Variants in FGGY observed in about 807,000 individuals in gnomAD.
FGGY encodes FGGY carbohydrate kinase domain containing.
FGGY carries 72 observed loss-of-function variants against 71.3 expected under a neutral mutation model. That is an observed-to-expected ratio of 1.01 (90% CI 0.84 to 1.23). FGGY has a LOEUF of 1.23. Among genes scored for constraint, FGGY ranks in the 50% most tolerant of loss-of-function variants. The pLI is 0.00. For synonymous variants in FGGY, 251 were observed against 250.3 expected (o/e 1.00, Z -0.02); for missense variants, 668 against 682.3 (o/e 0.98, Z 0.23).
chr1:59,335,013 TATATC>T (rs2049204503), intron 2 of FGGY, among the ~76,000 whole-genome samples: 1 of 152,212 alleles, frequency 6.6e-6, no homozygotes, highest in Non-Finnish European at 1.5e-5. Flanking sequence ...ACCTTACTAA[TATATC>T]ATGGATGTCT....
intron 7 of FGGY, among the ~76,000 whole-genome samples, chr1:59,520,036 C>T (rs2153645069): frequency 6.6e-6 from 1 of 152,324 alleles, no homozygotes; most frequent in East Asian, 1.9e-4. Context: ...TGCTGCCAAA[C>T]ACCTTACAAT....
rs1431337402 is a variant in FGGY at position 59,383,089 on chromosome 1, T to TTCTTTG, written c.554+4252_554+4253insTCTTTG. 3.9e-4 allele frequency among the ~76,000 whole-genome samples: 59 copies of TTCTTTG among 152,336 alleles called. No individual in the cohort carries two copies. The East Asian group carries it at 9.3e-3, about 24-fold the overall frequency. On this transcript the variant is annotated intron_variant, in intron 5 of 15. Transcript: ENST00000303721. ...TTCTTTGATTGTCACTCTTTTTGTC[T>TTCTTTG]ATAGCATGGAGATTGTTATACCTAT...
intron 6 of FGGY, among the ~76,000 whole-genome samples, chr1:59,464,431 C>T (rs1049819834): frequency 1.3e-5 from 2 of 152,170 alleles, no homozygotes; most frequent in African/African-American, 4.8e-5. Context: ...CCAAAATTGA[C>T]ACCCTAACAT....
At chr1:59,360,355 T>C (rs2055245324) in intron 4 of FGGY, among the ~76,000 whole-genome samples, 1 of 152,102 alleles carries the variant, frequency 6.6e-6, no homozygotes. Context: ...GTGGCTTGGC[T>C]TTGGCTGGGA....
chr1:59,641,570 G>A lies in FGGY; in HGVS notation c.1221+3195G>A, dbSNP rs72919629. On this transcript the variant is annotated intron_variant, in intron 11 of 15. Transcript: ENST00000303721. The stretch of plus-strand genomic sequence containing the variant: ...GTGATCTCTGTAATAATCAGTGCAA[G>A]CTGAAGGAGATGCTCAATACATGTC... 6.3e-3 allele frequency among the ~76,000 whole-genome samples: 955 copies of A among 152,294 alleles called. 8 individuals are homozygous for A. Among genetic ancestry groups the A allele is most frequent in the African/African-American group, 0.021 (888 of 41,542 alleles).
chr1:59,621,368 T>A (rs369927734), intron 9 of FGGY, among the ~76,000 whole-genome samples: 23 of 151,560 alleles, frequency 1.5e-4, no homozygotes, highest in African/African-American at 5.1e-4. Flanking sequence ...ACATAATTAC[T>A]ATTTTTATTG....
chr1:59,498,291 T>G (rs1226430825), intron 6 of FGGY, among the ~76,000 whole-genome samples: 1 of 152,220 alleles, frequency 6.6e-6, no homozygotes, highest in African/African-American at 2.4e-5. Flanking sequence ...AGGCCATCGT[T>G]TAATCTTAGA....
chr1:59,589,691 G>A (rs185061131), intron 8 of FGGY, among the ~76,000 whole-genome samples: 182 of 152,184 alleles, frequency 1.2e-3, no homozygotes, highest in African/African-American at 4.2e-3. Context: ...ATGACTACTG[G>A]GTACATAATG....
intron 7 of FGGY, among the ~76,000 whole-genome samples, chr1:59,552,818 G>A (rs754882794): frequency 6.6e-6 from 1 of 152,166 alleles, no homozygotes; most frequent in Non-Finnish European, 1.5e-5. Flanking sequence ...GCATCCCCAA[G>A]CATTTGTACT....
chr1:59,421,975 T>C (rs2065514254), intron 5 of FGGY, among the ~76,000 whole-genome samples: 2 of 152,176 alleles, frequency 1.3e-5, no homozygotes, highest in South Asian at 2.1e-4. Flanking sequence ...TTACTTTGAT[T>C]TGGAGTCAGC....
intron 6 of FGGY, among the ~76,000 whole-genome samples, chr1:59,486,403 G>A (rs1054257486): frequency 1.3e-5 from 2 of 152,160 alleles, no homozygotes; most frequent in African/African-American, 4.8e-5. Flanking sequence ...AAAGAGGAGG[G>A]GAGCTTTGGC....
chr1:59,614,956 C>T (rs1260915814), intron 9 of FGGY, among the ~76,000 whole-genome samples: 1 of 152,112 alleles, frequency 6.6e-6, no homozygotes, highest in African/African-American at 2.4e-5. Flanking sequence ...TGTGAATGAC[C>T]TCTTCAAGGA....
chr1:59,699,091 C>G, intron 14 of FGGY: 1 of 985,278 alleles, frequency 1.0e-6, no homozygotes, highest in Non-Finnish European at 1.2e-6. Flanking sequence ...TACATTTTTA[C>G]TCTGAAAGCT....
At chr1:59,431,690 A>G (rs1398052348) in intron 5 of FGGY, among the ~76,000 whole-genome samples, 2 of 152,222 alleles carry the variant, frequency 1.3e-5, no homozygotes, top group Non-Finnish European at 2.9e-5. Flanking sequence ...TGGAGAATAG[A>G]TGAAGAAGGA....
chr1:59,477,776 A>G (rs1028196442), intron 6 of FGGY, among the ~76,000 whole-genome samples: 1 of 152,108 alleles, frequency 6.6e-6, no homozygotes, highest in African/African-American at 2.4e-5. Context: ...TTAATACTTC[A>G]TGTTCTGCTT....
intron 14 of FGGY, among the ~76,000 whole-genome samples, chr1:59,679,781 CTTTA>C (rs943490457): frequency 9.9e-5 from 15 of 151,996 alleles, no homozygotes; most frequent in African/African-American, 3.4e-4. Context: ...TAGTAAACTT[CTTTA>C]TTTATCATTT....
intron 12 of FGGY, among the ~76,000 whole-genome samples, chr1:59,661,815 G>A (rs954328660): frequency 6.6e-6 from 1 of 151,604 alleles, no homozygotes; most frequent in Admixed American, 6.6e-5. Flanking sequence ...CACCTCCTGG[G>A]TTCAAGCGAT....
intron 7 of FGGY, among the ~76,000 whole-genome samples, chr1:59,519,771 G>A (rs923383342): frequency 6.6e-6 from 1 of 152,186 alleles, no homozygotes; most frequent in Admixed American, 6.5e-5. Flanking sequence ...CAAGGTAGAG[G>A]TTGTTTCCCC....
intron 13 of FGGY, among the ~76,000 whole-genome samples, chr1:59,670,896 A>G (rs2097371762): frequency 6.6e-6 from 1 of 152,188 alleles, no homozygotes. Context: ...AATACTTGGT[A>G]TGTACTAAGT....
Sources: gnomAD v4.1 joint callset for allele counts (sites outside exome capture counted in the v4.1 genomes callset) on GRCh38, gnomAD v4.1.1 for gene constraint, MANE v1.5 for transcripts, NCBI Gene and HGNC (gene_info 2026-07-23, HGNC 2026-07-21) for gene names.